The following ZNF621 variants were observed in gnomAD, a reference collection of about 807,000 sequenced individuals.
ZNF621 encodes zinc finger protein 621.
ZNF621 carries 6 observed loss-of-function variants against 12.7 expected under a neutral mutation model. The ratio of observed to expected loss-of-function variants is 0.47; its 90% CI spans 0.26 to 0.93. The LOEUF (loss-of-function observed/expected upper bound fraction) is 0.93, where lower values mean the gene tolerates loss of function less well. Among genes scored for constraint, ZNF621 ranks in the 40% least tolerant of loss-of-function variants. The pLI is 0.15. For missense variants in ZNF621, 474 were observed against 524.0 expected (o/e 0.90, Z 0.93); for synonymous variants, 156 against 190.3 (o/e 0.82, Z 1.48).
At chr3:40,531,561 C>CT (rs1698726505) in intron 4 of ZNF621, among the ~76,000 whole-genome samples, 1 of 151,998 alleles carries the variant, frequency 6.6e-6, no homozygotes, top group Admixed American at 6.6e-5. Flanking sequence ...AATTCTATGT[C>CT]ATTATTTTTC....
Position 40,532,564 on chromosome 3 carries a change from G to A in ZNF621, c.794G>A (p.Cys265Tyr), listed in dbSNP as rs1698756317. 1 of 1,614,030 alleles carries A rather than the reference G, an allele frequency of 6.2e-7. No individual in the cohort carries two copies. Among genetic ancestry groups the A allele is most frequent in the South Asian group, 1.1e-5 (1 of 91,084 alleles). Residue 265 changes from cysteine (C) to tyrosine (Y), a missense_variant, in exon 5 of 5, where the codon TGT becomes TAT. By Grantham distance (194) the Cys-to-Tyr change is radical. Coordinates refer to ENST00000339296, the MANE Select transcript of ZNF621 (RefSeq NM_198484.5). The stretch of plus-strand genomic sequence containing the variant: ...CACACGGGAGAGAAACTCTATAAAT[G>A]TAAGGAATGTTGGAAAGCTTTCGGT... Reference protein sequence around the residue: ...RLHTGEKLYKCKECWKAFGCR... With the variant: ...RLHTGEKLYKYKECWKAFGCR...
intron 1 of ZNF621, chr3:40,525,522 T>C: frequency 3.5e-6 from 2 of 573,820 alleles, no homozygotes; most frequent in Non-Finnish European, 6.2e-6. Flanking sequence ...GACAGGGCTC[T>C]TGGGTCCCTC....
chr3:40,533,266 G>A lies in ZNF621; in HGVS notation c.*176G>A, dbSNP rs1384915000. Reference sequence around the variant, plus strand: ...AGCGATTCTCCTCCTTCAGACTCTCGAATAGCTGGGATTACAGGCACGCCT... The same window carrying A: ...AGCGATTCTCCTCCTTCAGACTCTCAAATAGCTGGGATTACAGGCACGCCT... On this transcript the variant is annotated 3_prime_UTR_variant, in exon 5 of 5. Transcript: ENST00000339296. 2.4e-5 allele frequency: 25 copies of A among 1,050,486 alleles called. No individual in the cohort carries two copies. The highest frequency in any genetic ancestry group is 5.3e-5 in the East Asian group (2 of 37,490). The allele number at this position is 1,050,486 out of a possible 1,614,324, so 65.1% of individuals were successfully genotyped here. A position where few individuals can be genotyped will look rare whatever the true frequency, so the allele number is the denominator to read the frequency against.
intron 4 of ZNF621, among the ~76,000 whole-genome samples, chr3:40,530,844 G>A (rs945183275): frequency 1.9e-4 from 29 of 152,074 alleles, no homozygotes; most frequent in Admixed American, 7.9e-4. Context: ...GTAGAGGAAA[G>A]GGCTAGGAAT....
intron 2 of ZNF621, among the ~76,000 whole-genome samples, chr3:40,528,616 C>T (rs1698642798): frequency 6.6e-6 from 1 of 152,198 alleles, no homozygotes. Flanking sequence ...TTCATTAGCA[C>T]CAGCAGTGAA....
intron 2 of ZNF621, among the ~76,000 whole-genome samples, chr3:40,528,579 C>G (rs1698641078): frequency 6.6e-6 from 1 of 152,202 alleles, no homozygotes; most frequent in African/African-American, 2.4e-5. Context: ...GACGAACTGT[C>G]TTCCAAAGTG....
rs1698708474 is a variant in ZNF621, at chr3:40,530,834, G to A, written c.259+518G>A. On this transcript the variant is annotated intron_variant, in intron 4 of 4. Coordinates refer to ENST00000339296, the MANE Select transcript of ZNF621 (RefSeq NM_198484.5). The stretch of plus-strand genomic sequence containing the variant: ...CATTATATTTACCATAGATGGGACT[G>A]TAGAGGAAAGGGCTAGGAATATTCT... Among the ~76,000 whole-genome samples the A allele has an allele frequency of 2.0e-5, 3 of 152,162 alleles. No individual in the cohort carries two copies. The South Asian group carries it at 6.2e-4, about 32-fold the overall frequency.
rs888386971 is a variant in ZNF621 at position 40,535,435 on chromosome 3, C to G, written c.*2345C>G. 2 of 152,218 alleles carry G rather than the reference C, an allele frequency of 1.3e-5. No homozygotes were observed. Among genetic ancestry groups the G allele is most frequent in the East Asian group, 3.8e-4 (2 of 5,202 alleles). The allele number at this position is 152,218 out of a possible 1,614,324, so 9.4% of individuals were successfully genotyped here. A position where few individuals can be genotyped will look rare whatever the true frequency, so the allele number is the denominator to read the frequency against. On this transcript the variant is annotated 3_prime_UTR_variant, in exon 5 of 5. Transcript: ENST00000339296. ...GAGCTAAGCTGGGATGCCACATAGG[C>G]AGAAGCCAGGAAAAATGACCAACCA...
At chr3:40,526,916 C>T (rs542426010) in intron 2 of ZNF621, among the ~76,000 whole-genome samples, 34 of 152,160 alleles carry the variant, frequency 2.2e-4, no homozygotes, top group Non-Finnish European at 4.1e-4. Context: ...AGTGCAATGG[C>T]GCTATCTCGG....
chr3:40,527,482 C>T lies in ZNF621; in HGVS notation c.24+1618C>T, dbSNP rs779140858. ...GAGTAGCTGGGATTACAGGTGCACACCACCATGCTGGGCTTATTTTTGTAT... is the reference window on the plus strand; with the variant it reads ...GAGTAGCTGGGATTACAGGTGCACATCACCATGCTGGGCTTATTTTTGTAT... On this transcript the variant is annotated intron_variant, in intron 2 of 4. Transcript: ENST00000339296. Among the ~76,000 whole-genome samples, 54 of 152,156 alleles carry T rather than the reference C, an allele frequency of 3.5e-4. 1 individual carries two copies. The highest frequency in any genetic ancestry group is 6.0e-4 in the Non-Finnish European group (41 of 68,028).
rs370718664 is a variant in ZNF621, at chr3:40,532,876, T to G, written c.1106T>G (p.Leu369Arg). 21 of 1,608,348 alleles carry G rather than the reference T, an allele frequency of 1.3e-5. No homozygotes were observed. In the African/African-American group the frequency reaches 2.5e-4, roughly 19 times the overall value. ...QCSSPAIPPVLLQGSCSASAV... is the reference protein window; with the variant it reads ...QCSSPAIPPVRLQGSCSASAV... ...TCCTCTCCAGCCATACCTCCTGTTC[T>G]TCTCCAGGGATCCTGTTCTGCTTCA... The change falls in exon 5 of 5, where the codon CTT (leucine) becomes CGT (arginine). Residue 369 changes from leucine (L) to arginine (R), a missense_variant. Leu to Arg is a moderately radical substitution (Grantham distance 102, BLOSUM62 -2). Coordinates refer to ENST00000339296, the MANE Select transcript of ZNF621 (RefSeq NM_198484.5).
At position 40,525,900 on chromosome 3, in the gene ZNF621, G is replaced by T. The variant is rs58774681; in HGVS notation, c.24+36G>T. The T allele has an allele frequency of 0.019, 31,149 of 1,610,110 alleles. 2,433 individuals are homozygous for T. In the African/African-American group the frequency reaches 0.25, roughly 13 times the overall value. On this transcript the variant is annotated intron_variant, in intron 2 of 4. Coordinates refer to ENST00000339296, the MANE Select transcript of ZNF621 (RefSeq NM_198484.5). ...CTTCTTTCAGTTTTTTTGTTTGTTTGTTTATGTTTTTTTACTCACATTAGC... is the reference window on the plus strand; with the variant it reads ...CTTCTTTCAGTTTTTTTGTTTGTTTTTTTATGTTTTTTTACTCACATTAGC...
In ZNF621 at chr3:40,525,634, G is replaced by GGCTATCAGCGTGAGA. The variant is rs1369330151; in HGVS notation, c.-62-144_-62-130dup. 91 of 677,972 alleles carry GGCTATCAGCGTGAGA rather than the reference G, an allele frequency of 1.3e-4. 2 individuals carry two copies. In the Middle Eastern group the frequency reaches 1.9e-3, roughly 14 times the overall value. The allele number at this position is 677,972 out of a possible 1,614,324, so 42.0% of individuals were successfully genotyped here. A position where few individuals can be genotyped will look rare whatever the true frequency, so the allele number is the denominator to read the frequency against. On this transcript the variant is annotated intron_variant, in intron 1 of 4. Coordinates refer to ENST00000339296, the MANE Select transcript of ZNF621 (RefSeq NM_198484.5). Reference sequence around the variant, plus strand: ...GCAGAACAATTCATAAGAAGTTTGGGGCTATCAGCGTGAGAACAATTAGAG... The same window carrying GGCTATCAGCGTGAGA: ...GCAGAACAATTCATAAGAAGTTTGGGGCTATCAGCGTGAGAGCTATCAGCGTGAGAACAATTAGAG...
At chr3:40,530,441 C>A in intron 4 of ZNF621, 125 bp downstream of exon 4, 1 of 738,446 alleles carries the variant, frequency 1.4e-6, no homozygotes, top group Non-Finnish European at 2.2e-6. Context: ...TCACTGTACT[C>A]TCTGACCTCA....
rs2125678680 is a variant in ZNF621, at chr3:40,533,953, G to A, written c.*863G>A. 1 of 152,636 alleles carries A rather than the reference G, an allele frequency of 6.6e-6. No individual in the cohort carries two copies. The highest frequency in any genetic ancestry group is 1.9e-4 in the East Asian group (1 of 5,188). 9.5% of individuals were successfully genotyped at this position (152,636 alleles called of 1,614,324 possible). ...AGTAAAAAAAAAAAGTATGTTGATG[G>A]CAGTGAGAGTAATCATGTCTTTAAA... On this transcript the variant is annotated 3_prime_UTR_variant, in exon 5 of 5. Transcript: ENST00000339296.
In ZNF621 at chr3:40,525,766, C is replaced by T; in HGVS notation, c.-62-13C>T. 2 of 1,612,316 alleles carry T rather than the reference C, an allele frequency of 1.2e-6. No homozygotes were observed. Among genetic ancestry groups the T allele is most frequent in the East Asian group, 4.5e-5 (2 of 44,866 alleles). The stretch of plus-strand genomic sequence containing the variant: ...GACAGGGTCCTTAGCACTCATGGCT[C>T]TTTTTCTCTTAGCTCTTGAGGATCT... On this transcript the variant is annotated splice_polypyrimidine_tract_variant and intron_variant, in intron 1 of 4. Transcript: ENST00000339296.
At chr3:40,523,800 A>AAACAAAAC (rs1553659372), upstream of ZNF621, among the ~76,000 whole-genome samples, 4 of 147,722 alleles carry the variant, frequency 2.7e-5, no homozygotes, top group South Asian at 2.1e-4. Context: ...AGCAAAAAAA[A>AAACAAAAC]AAAAAACAAA....
At chr3:40,526,278 C>G (rs531948054) in intron 2 of ZNF621, among the ~76,000 whole-genome samples, 1 of 152,290 alleles carries the variant, frequency 6.6e-6, no homozygotes, top group East Asian at 1.9e-4. Flanking sequence ...TCAAGTGATT[C>G]CCATACCTCA....
chr3:40,531,988 T>G (rs1698735998), intron 4 of ZNF621, 42 bp from the exon 5 acceptor site: 1 of 1,538,834 alleles, frequency 6.5e-7, no homozygotes, highest in South Asian at 1.2e-5. Context: ...CTACTTTTCT[T>G]CCAGTTTTGT....
Sources: gnomAD v4.1 joint callset for allele counts (sites outside exome capture counted in the v4.1 genomes callset) on GRCh38, gnomAD v4.1.1 for gene constraint, MANE v1.5 for transcripts, NCBI Gene and HGNC (gene_info 2026-07-23, HGNC 2026-07-21) for gene names.